The following CACNG3 variants were observed in gnomAD, a reference collection of about 807,000 sequenced individuals.
CACNG3 encodes the protein calcium voltage-gated channel auxiliary subunit gamma 3.
In CACNG3, 3 loss-of-function variants were observed where a neutral mutation model predicts 28.5. The observed-to-expected ratio is 0.11, with a 90% confidence interval of 0.05 to 0.27. The LOEUF (loss-of-function observed/expected upper bound fraction) is 0.27, where lower values mean the gene tolerates loss of function less well. CACNG3 is among the 10% of genes least tolerant of loss of function. CACNG3 has a pLI of 1.00. For missense variants in CACNG3, 236 were observed against 414.4 expected (o/e 0.57, Z 3.74); for synonymous variants, 174 against 162.2 (o/e 1.07, Z -0.55).
intron 1 of CACNG3, among the ~76,000 whole-genome samples, chr16:24,287,503 G>C: frequency 8.0e-6 from 1 of 124,794 alleles, no homozygotes. Flanking sequence ...GGGCAACAAA[G>C]CGAGACTCTC....
chr16:24,273,205 C>G (rs1161342236), intron 1 of CACNG3, among the ~76,000 whole-genome samples: 1 of 152,192 alleles, frequency 6.6e-6, no homozygotes, highest in Admixed American at 6.5e-5. Flanking sequence ...CACCCTAAGT[C>G]CAATTGCTTT....
chr16:24,353,053 G>A (rs1339390511), intron 2 of CACNG3, among the ~76,000 whole-genome samples: 2 of 152,210 alleles, frequency 1.3e-5, no homozygotes, highest in African/African-American at 2.4e-5. Context: ...TCAACTCACT[G>A]CAACCTCCAC....
rs150440001 is a variant in CACNG3 at position 24,354,450 on chromosome 16, G to A, written c.296-383G>A. Reference sequence around the variant, plus strand: ...GCTGGGCTGAGGAGGGAGAATGGGCGTTTGAGAGCCTTTTCCAGGGAGGCA... The same window carrying A: ...GCTGGGCTGAGGAGGGAGAATGGGCATTTGAGAGCCTTTTCCAGGGAGGCA... On this transcript the variant is annotated intron_variant, in intron 2 of 3. Coordinates refer to ENST00000005284, the MANE Select transcript of CACNG3 (RefSeq NM_006539.4). Among the ~76,000 whole-genome samples the A allele has an allele frequency of 6.8e-3, 1,041 of 152,128 alleles. 4 individuals carry two copies. The highest frequency in any genetic ancestry group is 0.022 in the African/African-American group (933 of 41,504).
intron 3 of CACNG3, among the ~76,000 whole-genome samples, chr16:24,358,521 A>G (rs1434437868): frequency 6.6e-6 from 1 of 152,194 alleles, no homozygotes; most frequent in Admixed American, 6.5e-5. Context: ...TTCTCATATC[A>G]ACTCCACTTA....
chr16:24,336,083 ATTTTG>A (rs1199363686), intron 1 of CACNG3, among the ~76,000 whole-genome samples: 1 of 151,558 alleles, frequency 6.6e-6, no homozygotes, highest in Non-Finnish European at 1.5e-5. Flanking sequence ...AGCTCTTGCA[ATTTTG>A]GTGGCATGCA....
intron 1 of CACNG3, among the ~76,000 whole-genome samples, chr16:24,285,398 C>T (rs552027995): frequency 6.6e-5 from 10 of 152,242 alleles, no homozygotes; most frequent in Non-Finnish European, 1.3e-4. Context: ...AGTAATAATA[C>T]CCCCTACTCT....
chr16:24,268,022 G>A lies in CACNG3; in HGVS notation c.211+11057G>A, dbSNP rs1027425408. 3.9e-5 allele frequency among the ~76,000 whole-genome samples: 6 copies of A among 152,242 alleles called. No homozygotes were observed. The East Asian group carries it at 9.7e-4, about 25-fold the overall frequency. On this transcript the variant is annotated intron_variant, in intron 1 of 3. Coordinates refer to ENST00000005284, the MANE Select transcript of CACNG3 (RefSeq NM_006539.4). Reference sequence around the variant, plus strand: ...TTATTCATTTATTTAACAGACACACGCTAGATGCCAGGCACTGTTCTAAGG... The same window carrying A: ...TTATTCATTTATTTAACAGACACACACTAGATGCCAGGCACTGTTCTAAGG...
intron 1 of CACNG3, among the ~76,000 whole-genome samples, chr16:24,316,490 G>A (rs1006910870): frequency 6.6e-6 from 1 of 152,274 alleles, no homozygotes; most frequent in Admixed American, 6.5e-5. Context: ...AAGCTCCTGC[G>A]GGAAGGACAT....
chr16:24,267,950 C>T (rs965530146), intron 1 of CACNG3, among the ~76,000 whole-genome samples: 53 of 151,876 alleles, frequency 3.5e-4, no homozygotes, highest in African/African-American at 1.2e-3. Flanking sequence ...GGATTACAGC[C>T]GTGAGCTACC....
intron 1 of CACNG3, among the ~76,000 whole-genome samples, chr16:24,284,080 T>G (rs1396505800): frequency 6.6e-6 from 1 of 152,214 alleles, no homozygotes; most frequent in Non-Finnish European, 1.5e-5. Flanking sequence ...GTATTGGCCT[T>G]TCTACCTTTC....
At chr16:24,260,207 C>T (rs1227898116) in intron 1 of CACNG3, among the ~76,000 whole-genome samples, 1 of 152,140 alleles carries the variant, frequency 6.6e-6, no homozygotes, top group Non-Finnish European at 1.5e-5. Flanking sequence ...TTGTAAATTA[C>T]CTAAATGGCA....
At chr16:24,312,877 GAAAA>G (rs1217300212) in intron 1 of CACNG3, among the ~76,000 whole-genome samples, 1 of 120,466 alleles carries the variant, frequency 8.3e-6, no homozygotes, top group Non-Finnish European at 1.7e-5. Flanking sequence ...AGGAAGGAAA[GAAAA>G]AAAAGAAAGA....
chr16:24,358,183 GA>G lies in CACNG3; in HGVS notation c.437-3163del, dbSNP rs144220292. Among the ~76,000 whole-genome samples the G allele has an allele frequency of 3.3e-4, 50 of 152,226 alleles. 1 individual carries two copies. Among genetic ancestry groups the G allele is most frequent in the African/African-American group, 6.3e-4 (26 of 41,564 alleles). On this transcript the variant is annotated intron_variant, in intron 3 of 3. Coordinates refer to ENST00000005284, the MANE Select transcript of CACNG3 (RefSeq NM_006539.4). ...AATCGGTAAATAAGAGTGCTGGGGG[GA>G]AAAAAGAGAAAACAATTCTTAATTG... is the stretch of plus-strand genomic sequence containing the variant.
At chr16:24,329,845 G>A (rs1004937567) in intron 1 of CACNG3, among the ~76,000 whole-genome samples, 3 of 152,090 alleles carry the variant, frequency 2.0e-5, no homozygotes, top group Admixed American at 6.5e-5. Context: ...GACCAGCCTG[G>A]CCAACATGGT....
intron 1 of CACNG3, among the ~76,000 whole-genome samples, chr16:24,326,597 A>G (rs905540156): frequency 6.6e-6 from 1 of 152,220 alleles, no homozygotes; most frequent in Non-Finnish European, 1.5e-5. Context: ...GATTGGCCAG[A>G]TCTGGGTCAT....
At chr16:24,317,643 AAAAGAAAAGAAAG>A (rs1445850294) in intron 1 of CACNG3, among the ~76,000 whole-genome samples, 2 of 63,244 alleles carry the variant, frequency 3.2e-5, no homozygotes, top group African/African-American at 1.5e-4. Flanking sequence ...AGAAAGAAAG[AAAAGAAAAGAAAG>A]AAAGAAAGAA....
At chr16:24,291,988 T>G (rs982186798) in intron 1 of CACNG3, among the ~76,000 whole-genome samples, 8 of 151,828 alleles carry the variant, frequency 5.3e-5, no homozygotes, top group African/African-American at 1.5e-4. Flanking sequence ...TGTTTTAGGA[T>G]GAGCCAGTGG....
At chr16:24,285,907 G>A (rs1434193840) in intron 1 of CACNG3, among the ~76,000 whole-genome samples, 1 of 147,600 alleles carries the variant, frequency 6.8e-6, no homozygotes, top group Non-Finnish European at 1.5e-5. Context: ...GCAGTGGCGC[G>A]ATCTCAGCTC....
chr16:24,276,865 T>G lies in CACNG3; in HGVS notation c.211+19900T>G, dbSNP rs531585087. ...TCTTCATATGTGAGATGAAGCAAAG[T>G]GCAAAAAAACTGAGATTTTTGACCA... On this transcript the variant is annotated intron_variant, in intron 1 of 3. Coordinates refer to ENST00000005284, the MANE Select transcript of CACNG3 (RefSeq NM_006539.4). Among the ~76,000 whole-genome samples, 10 of 152,240 alleles carry G rather than the reference T, an allele frequency of 6.6e-5. 1 individual carries two copies. The East Asian group carries it at 1.7e-3, about 26-fold the overall frequency.
Sources: allele counts gnomAD v4.1 joint callset (sites outside exome capture counted in the v4.1 genomes callset), GRCh38; gene constraint gnomAD v4.1.1; transcripts MANE v1.5; gene names NCBI Gene and HGNC (gene_info 2026-07-23, HGNC 2026-07-21).